The following ZNF91 variants were observed in gnomAD, a reference collection of about 807,000 sequenced individuals.
ZNF91 encodes the protein zinc finger protein 91 (HPF7, HTF10).
ZNF91 carries 7 observed loss-of-function variants against 12.6 expected under a neutral mutation model. The ratio of observed to expected loss-of-function variants is 0.55; its 90% CI spans 0.31 to 1.04. ZNF91 has a LOEUF of 1.04. ZNF91 is among the 50% of genes least tolerant of loss of function. ZNF91 has a pLI of 0.05. For missense variants in ZNF91, 1,217 were observed against 1,385.4 expected, an observed-to-expected ratio of 0.88 and a Z score of 1.93; for synonymous variants, 453 against 462.6, an observed-to-expected ratio of 0.98 and a Z score of 0.27.
intron 1 of ZNF91, among the ~76,000 whole-genome samples, chr19:23,317,131 C>T (rs560225013): frequency 6.6e-5 from 10 of 152,080 alleles, no homozygotes; most frequent in Admixed American, 5.9e-4. Flanking sequence ...CTGCAAGCTC[C>T]GCCTCCCGGG....
At chr19:23,340,714 C>T (rs1211514138) in intron 3 of ZNF91, among the ~76,000 whole-genome samples, 1 of 150,312 alleles carries the variant, frequency 6.7e-6, no homozygotes, top group Non-Finnish European at 1.5e-5. Context: ...AAGGACACAA[C>T]AAAGAAAACT....
intron 1 of ZNF91, among the ~76,000 whole-genome samples, chr19:23,381,551 T>G (rs1235657289): frequency 1.3e-5 from 2 of 149,632 alleles, no homozygotes; most frequent in Non-Finnish European, 3.0e-5. Context: ...AACCTCCACC[T>G]CCTGGATTCA....
chr19:23,352,437 A>G (rs757946710), intron 3 of ZNF91, among the ~76,000 whole-genome samples: 18 of 152,046 alleles, frequency 1.2e-4, no homozygotes, highest in African/African-American at 2.7e-4. Context: ...CCCGCACCCA[A>G]TGATTCTTCC....
chr19:23,331,535 A>AGT (rs1967928192), intron 1 of ZNF91, among the ~76,000 whole-genome samples: 2 of 152,132 alleles, frequency 1.3e-5, no homozygotes, highest in Non-Finnish European at 2.9e-5. Flanking sequence ...TCAGAATGAG[A>AGT]GTGTGTGTGT....
chr19:23,366,141 C>T (rs1034664284), intron 3 of ZNF91, among the ~76,000 whole-genome samples: 2 of 152,194 alleles, frequency 1.3e-5, no homozygotes, highest in East Asian at 1.9e-4. Flanking sequence ...CCAGTAGGGG[C>T]GGCCGGGCAG....
intron 1 of ZNF91, among the ~76,000 whole-genome samples, chr19:23,381,462 C>CTT (rs201511156): frequency 6.5e-4 from 89 of 137,728 alleles, no homozygotes; most frequent in African/African-American, 2.2e-3. Context: ...TTTTCTTTCT[C>CTT]TTTTTTTTTT....
At chr19:23,372,535 A>G (rs577403821) in intron 3 of ZNF91, among the ~76,000 whole-genome samples, 33 of 152,134 alleles carry the variant, frequency 2.2e-4, no homozygotes, top group African/African-American at 7.7e-4. Flanking sequence ...TCATTCAGGC[A>G]GCAAACTACA....
chr19:23,365,487 T>TA (rs924940867), intron 3 of ZNF91, among the ~76,000 whole-genome samples: 4 of 151,530 alleles, frequency 2.6e-5, no homozygotes, highest in Admixed American at 6.6e-5. Context: ...AGTTTTGTTT[T>TA]AAAAAAATAC....
chr19:23,325,419 G>A (rs2145863792), intron 1 of ZNF91: 1 of 152,238 alleles, frequency 6.6e-6, no homozygotes, highest in South Asian at 2.1e-4. Flanking sequence ...CCTGCAGAGT[G>A]CCCTGTGCAT....
At chr19:23,369,987 C>A (rs1281008552) in intron 3 of ZNF91, among the ~76,000 whole-genome samples, 1 of 142,974 alleles carries the variant, frequency 7.0e-6, no homozygotes, top group South Asian at 2.3e-4. Flanking sequence ...CGAGAAACAC[C>A]CAAGAATGAT....
At chr19:23,343,085 G>A (rs1968156622) in intron 3 of ZNF91, among the ~76,000 whole-genome samples, 1 of 152,166 alleles carries the variant, frequency 6.6e-6, no homozygotes, top group Non-Finnish European at 1.5e-5. Flanking sequence ...AACCACTGTA[G>A]GTACTGTAGT....
chr19:23,338,423 C>G (rs1288945287), downstream of ZNF91: 2 of 151,454 alleles, frequency 1.3e-5, no homozygotes, highest in African/African-American at 4.8e-5. Context: ...CTAGAATAAC[C>G]TTCACAAATG....
chr19:23,356,415 A>G (rs1356744220), downstream of ZNF91, among the ~76,000 whole-genome samples: 2 of 152,154 alleles, frequency 1.3e-5, no homozygotes, highest in Non-Finnish European at 2.9e-5. Context: ...AATACTACTC[A>G]GTAACAAAAA....
intron 1 of ZNF91, among the ~76,000 whole-genome samples, chr19:23,329,307 G>T (rs1820676): frequency 6.6e-6 from 1 of 152,002 alleles, no homozygotes; most frequent in Non-Finnish European, 1.5e-5. Flanking sequence ...AAGAGACTTC[G>T]GGTAGGAAGC....
chr19:23,350,277 C>G (rs1968330456), intron 3 of ZNF91, among the ~76,000 whole-genome samples: 1 of 152,094 alleles, frequency 6.6e-6, no homozygotes, highest in Non-Finnish European at 1.5e-5. Context: ...GGGTGGGGCC[C>G]AACAAATCTT....
At chr19:23,385,107 C>T (rs1326732522) in intron 1 of ZNF91, 11 of 812,166 alleles carry the variant, frequency 1.4e-5, no homozygotes, top group Admixed American at 3.9e-5. Context: ...CCAACCTGTC[C>T]GAACAGTACC....
At chr19:23,323,997 T>C (rs1343707152) in intron 1 of ZNF91, 2 of 147,056 alleles carry the variant, frequency 1.4e-5, no homozygotes, top group South Asian at 2.3e-4. Context: ...TGCTCCCGAT[T>C]CTCCTCCTCT....
intron 1 of ZNF91, among the ~76,000 whole-genome samples, chr19:23,322,661 T>C (rs1967722632): frequency 6.9e-6 from 1 of 145,484 alleles, no homozygotes; most frequent in African/African-American, 2.4e-5. Flanking sequence ...CCTCCTCCTT[T>C]TTCCTCCTTT....
chr19:23,325,543 G>A (rs1386240240), intron 1 of ZNF91: 1 of 152,134 alleles, frequency 6.6e-6, no homozygotes, highest in African/African-American at 2.4e-5. Flanking sequence ...CACACTACAA[G>A]TCGCTCACCC....
Sources: gnomAD v4.1 joint callset for allele counts (sites outside exome capture counted in the v4.1 genomes callset) on GRCh38, gnomAD v4.1.1 for gene constraint, MANE v1.5 for transcripts, NCBI Gene and HGNC (gene_info 2026-07-23, HGNC 2026-07-21) for gene names.